L3MBTL3: variants seen among roughly 807,000 people sequenced by gnomAD.
The protein encoded by L3MBTL3 is lethal(3)malignant brain tumor-like protein 3.
Under a neutral mutation model 102.3 loss-of-function variants are expected in L3MBTL3, and 27 were observed. The ratio of observed to expected loss-of-function variants is 0.26; its 90% CI spans 0.19 to 0.36. L3MBTL3 has a LOEUF of 0.36. Ranked by LOEUF, L3MBTL3 falls within the 10% of genes least tolerant of loss-of-function variation. The probability of loss-of-function intolerance (pLI) is 1.00; values close to 1 mark genes in which losing one functional copy is unlikely to be tolerated. For missense variants in L3MBTL3, 798 were observed against 955.3 expected (o/e 0.84, Z 2.17); for synonymous variants, 340 against 320.9 (o/e 1.06, Z -0.64).
intron 20 of L3MBTL3, among the ~76,000 whole-genome samples, chr6:130,124,886 C>T (rs1246964372): frequency 6.6e-6 from 1 of 152,008 alleles, no homozygotes; most frequent in African/African-American, 2.4e-5. Context: ...AGGAGAATCA[C>T]TTGAACCTGG....
rs1788264959 is a variant in L3MBTL3 at position 130,141,404 on chromosome 6, A to G, written c.*1651A>G. 1.3e-5 allele frequency: 2 copies of G among 152,210 alleles called. No individual in the cohort carries two copies. Among genetic ancestry groups the G allele is most frequent in the African/African-American group, 2.4e-5 (1 of 41,450 alleles). 9.4% of individuals were successfully genotyped at this position (152,210 alleles called of 1,614,324 possible). On this transcript the variant is annotated 3_prime_UTR_variant, in exon 23 of 23. Transcript: ENST00000361794. ...TTTGTACATTCAAGTTGTACTTGTT[A>G]TATCTGACATGAATGAAATAAAATC...
intron 3 of L3MBTL3, among the ~76,000 whole-genome samples, chr6:130,046,233 A>G (rs1780716771): frequency 6.6e-6 from 1 of 152,182 alleles, no homozygotes; most frequent in South Asian, 2.1e-4. Context: ...CAGTTAGCCA[A>G]GAGCAAGACC....
At position 130,104,413 on chromosome 6, in the gene L3MBTL3, T is replaced by A. The variant is rs1262225242; in HGVS notation, c.1737-13T>A. ...CAATGTTCTTTTTTTTTTCTTTTCT[T>A]TTAATCTGTTAGTGCTGCCAACTGT... On this transcript the variant is annotated splice_polypyrimidine_tract_variant and intron_variant, in intron 18 of 22. Transcript: ENST00000361794. 6 of 1,513,542 alleles carry A rather than the reference T, an allele frequency of 4.0e-6. No individual in the cohort carries two copies. In the African/African-American group the frequency reaches 5.7e-5, roughly 14 times the overall value. The allele number at this position is 1,513,542 out of a possible 1,614,324, so 93.8% of individuals were successfully genotyped here.
chr6:130,123,552 A>G (rs1786386589), intron 20 of L3MBTL3, among the ~76,000 whole-genome samples: 4 of 152,128 alleles, frequency 2.6e-5, no homozygotes, highest in Admixed American at 2.6e-4. Flanking sequence ...CCTAAAATCA[A>G]TGTAATTTTT....
chr6:130,095,377 C>G (rs1038221241), intron 18 of L3MBTL3, among the ~76,000 whole-genome samples: 2 of 152,086 alleles, frequency 1.3e-5, no homozygotes, highest in Non-Finnish European at 2.9e-5. Context: ...TTTCGAACAA[C>G]TCTCCTTAAT....
chr6:130,043,938 G>A (rs1296438702), intron 3 of L3MBTL3, among the ~76,000 whole-genome samples: 1 of 152,180 alleles, frequency 6.6e-6, no homozygotes, highest in Non-Finnish European at 1.5e-5. Flanking sequence ...AGGAGATTGG[G>A]TTTTCAGTTT....
At chr6:130,087,089 G>T (rs1783734757) in intron 16 of L3MBTL3, among the ~76,000 whole-genome samples, 1 of 152,076 alleles carries the variant, frequency 6.6e-6, no homozygotes, top group African/African-American at 2.4e-5. Flanking sequence ...TGACTTCTTA[G>T]TTCTAAGCTG....
chr6:130,018,829 AG>A (rs748215080), intron 1 of L3MBTL3, among the ~76,000 whole-genome samples, 165 bp downstream of exon 1: 3 of 152,132 alleles, frequency 2.0e-5, no homozygotes, highest in East Asian at 1.9e-4. Flanking sequence ...GAGGGACAGA[AG>A]GGGTTTCTCC....
chr6:130,088,860 C>T (rs1783854752), intron 16 of L3MBTL3, among the ~76,000 whole-genome samples: 1 of 152,062 alleles, frequency 6.6e-6, no homozygotes, highest in South Asian at 2.1e-4. Flanking sequence ...TTCCCTTCCC[C>T]TTATCTTTTC....
intron 20 of L3MBTL3, among the ~76,000 whole-genome samples, chr6:130,125,407 G>A (rs1354527572): frequency 3.3e-5 from 5 of 152,022 alleles, no homozygotes; most frequent in East Asian, 1.9e-4. Context: ...CATTGCTAAC[G>A]TCATGAAACT....
At chr6:130,078,434 TAGA>T in intron 13 of L3MBTL3, 121 bp from the exon 14 acceptor site, 2 of 602,204 alleles carry the variant, frequency 3.3e-6, no homozygotes, top group Non-Finnish European at 5.7e-6. Flanking sequence ...TTTTCCAAAT[TAGA>T]TTGATTGTAA....
rs777024988 is a variant in L3MBTL3 at position 130,139,761 on chromosome 6, G to A, written c.*8G>A. On this transcript the variant is annotated 3_prime_UTR_variant, in exon 23 of 23. Coordinates refer to ENST00000361794, the MANE Select transcript of L3MBTL3 (RefSeq NM_032438.4). ...TCTCACAATGAACTTTGAAGATGGTGAATTCTGAATACCATCAGCATTCTG... is the reference window on the plus strand; with the variant it reads ...TCTCACAATGAACTTTGAAGATGGTAAATTCTGAATACCATCAGCATTCTG... 2 of 1,611,156 alleles carry A rather than the reference G, an allele frequency of 1.2e-6. No homozygotes were observed. The highest frequency in any genetic ancestry group is 1.7e-6 in the Non-Finnish European group (2 of 1,178,534).
chr6:130,126,812 T>G (rs13197216), intron 20 of L3MBTL3, among the ~76,000 whole-genome samples: 10,174 of 152,002 alleles, frequency 0.067, 472 homozygotes, highest in Non-Finnish European at 0.1. Context: ...GACAATAGAT[T>G]AATAGGAGAA....
intron 10 of L3MBTL3, among the ~76,000 whole-genome samples, chr6:130,060,619 A>C (rs951237150): frequency 6.6e-6 from 1 of 152,068 alleles, no homozygotes; most frequent in African/African-American, 2.4e-5. Context: ...TGGTCGAACC[A>C]GGATTTGAAC....
intron 18 of L3MBTL3, among the ~76,000 whole-genome samples, chr6:130,102,392 A>G (rs769534981): frequency 2.0e-5 from 3 of 152,228 alleles, no homozygotes; most frequent in African/African-American, 4.8e-5. Context: ...ACTTTTAAGT[A>G]ACTTTTCTTG....
intron 20 of L3MBTL3, among the ~76,000 whole-genome samples, chr6:130,121,795 T>C (rs1397860485): frequency 1.3e-5 from 2 of 152,168 alleles, no homozygotes; most frequent in African/African-American, 4.8e-5. Context: ...GTTAAAAATA[T>C]ATTGCTTTGG....
At chr6:130,034,920 C>T (rs1408367739) in intron 2 of L3MBTL3, among the ~76,000 whole-genome samples, 2 of 152,152 alleles carry the variant, frequency 1.3e-5, no homozygotes, top group African/African-American at 4.8e-5. Flanking sequence ...GAGGAGTGAA[C>T]CGTACACCTC....
intron 18 of L3MBTL3, among the ~76,000 whole-genome samples, chr6:130,098,410 G>A (rs7755589): frequency 0.25 from 38,013 of 152,078 alleles, 4,939 homozygotes; most frequent in Non-Finnish European, 0.28. Context: ...TTCTCATAGA[G>A]GCAGGAGTGG....
chr6:130,061,542 A>T lies in L3MBTL3; in HGVS notation c.864+1402A>T, dbSNP rs76283047. Among the ~76,000 whole-genome samples the T allele has an allele frequency of 3.9e-3, 592 of 152,354 alleles. 5 individuals are homozygous for T. Among genetic ancestry groups the T allele is most frequent in the African/African-American group, 0.014 (575 of 41,584 alleles). ...AGGAAATAACTGGATTCTCTTACTC[A>T]TATCAGAAAACTGTTGTGGAACATT... On this transcript the variant is annotated intron_variant, in intron 10 of 22. Coordinates refer to ENST00000361794, the MANE Select transcript of L3MBTL3 (RefSeq NM_032438.4).
Sources: gnomAD v4.1 joint callset for allele counts (sites outside exome capture counted in the v4.1 genomes callset) on GRCh38, gnomAD v4.1.1 for gene constraint, MANE v1.5 for transcripts, NCBI Gene and HGNC (gene_info 2026-07-23, HGNC 2026-07-21) for gene names.